SORCS1: variants seen among roughly 807,000 people sequenced by gnomAD.
The protein encoded by SORCS1 is sortilin related VPS10 domain containing receptor 1, also known as VPS10 domain-containing receptor SorCS1.
A neutral mutation model predicts 146.1 loss-of-function variants in SORCS1; 60 were observed. That is an observed-to-expected ratio of 0.41 (90% CI 0.33 to 0.51). The LOEUF is 0.51. Ranked by LOEUF, SORCS1 falls within the 20% of genes least tolerant of loss-of-function variation. SORCS1 has a pLI of 0.21. For missense variants in SORCS1, 1,352 were observed against 1,487.6 expected (o/e 0.91, Z 1.50); for synonymous variants, 637 against 584.0 (o/e 1.09, Z -1.31).
intron 20 of SORCS1, among the ~76,000 whole-genome samples, chr10:106,618,850 A>AG: frequency 6.6e-6 from 1 of 152,290 alleles, no homozygotes; most frequent in East Asian, 1.9e-4. Flanking sequence ...TGTGGAAACA[A>AG]GCACTAATTG....
chr10:107,036,820 C>T (rs1393399718), intron 1 of SORCS1, among the ~76,000 whole-genome samples: 1 of 152,222 alleles, frequency 6.6e-6, no homozygotes, highest in Non-Finnish European at 1.5e-5. Context: ...TGAAGGAAAT[C>T]TCATGGTTAA....
intron 1 of SORCS1, among the ~76,000 whole-genome samples, chr10:107,009,292 G>T (rs1035693832): frequency 4.6e-5 from 7 of 152,180 alleles, no homozygotes; most frequent in African/African-American, 4.8e-5. Context: ...TTTGTGTGTT[G>T]CATGGAGTAG....
intron 1 of SORCS1, among the ~76,000 whole-genome samples, chr10:107,162,306 T>A (rs1969773103): frequency 6.6e-6 from 1 of 152,192 alleles, no homozygotes; most frequent in African/African-American, 2.4e-5. Flanking sequence ...AGCTAACATG[T>A]TTGATGTGTT....
At chr10:106,626,442 C>T (rs1193882350) in intron 19 of SORCS1, among the ~76,000 whole-genome samples, 2 of 152,174 alleles carry the variant, frequency 1.3e-5, no homozygotes, top group Non-Finnish European at 2.9e-5. Flanking sequence ...GAATGCCCGA[C>T]TCAGTCCAGT....
At chr10:106,837,347 A>G (rs1304086372) in intron 2 of SORCS1, among the ~76,000 whole-genome samples, 1 of 152,022 alleles carries the variant, frequency 6.6e-6, no homozygotes, top group Admixed American at 6.6e-5. Context: ...AAAAGCATAA[A>G]TATTCCTCCC....
intron 8 of SORCS1, 30 bp from the exon 9 acceptor site, chr10:106,699,423 G>A: frequency 6.4e-7 from 1 of 1,570,644 alleles, no homozygotes; most frequent in Non-Finnish European, 8.6e-7. Flanking sequence ...CGTGAAGAGG[G>A]AAAAAGAGTT....
chr10:106,723,929 TTAAA>T (rs1217870925), intron 6 of SORCS1, among the ~76,000 whole-genome samples: 1 of 152,130 alleles, frequency 6.6e-6, no homozygotes, highest in Non-Finnish European at 1.5e-5. Context: ...TCAATTAAAT[TTAAA>T]TAAAGTTATT....
chr10:107,056,889 A>T (rs149221009), intron 1 of SORCS1, among the ~76,000 whole-genome samples: 1 of 152,336 alleles, frequency 6.6e-6, no homozygotes, highest in African/African-American at 2.4e-5. Context: ...TATATTTCAA[A>T]CAAGACAATT....
At chr10:106,710,435 A>AAG (rs1273086525) in intron 6 of SORCS1, among the ~76,000 whole-genome samples, 2 of 150,854 alleles carry the variant, frequency 1.3e-5, no homozygotes, top group African/African-American at 4.9e-5. Flanking sequence ...GTGACAGGAA[A>AAG]AAAAAAAAAA....
intron 3 of SORCS1, among the ~76,000 whole-genome samples, chr10:106,795,127 C>A (rs1159539644): frequency 6.6e-6 from 1 of 152,116 alleles, no homozygotes; most frequent in Non-Finnish European, 1.5e-5. Flanking sequence ...GTTCTAACAC[C>A]ATAAGAATTC....
the SORCS1 span, among the ~76,000 whole-genome samples, chr10:107,174,160 G>A: frequency 6.6e-6 from 1 of 151,966 alleles, no homozygotes; most frequent in Non-Finnish European, 1.5e-5. Context: ...AATTCTCTTA[G>A]CAATATTTGT....
At chr10:106,657,629 A>G (rs1359166691) in intron 17 of SORCS1, among the ~76,000 whole-genome samples, 1 of 147,564 alleles carries the variant, frequency 6.8e-6, no homozygotes, top group East Asian at 2.0e-4. Flanking sequence ...TAATAAATAT[A>G]TATTATATAT....
chr10:106,890,955 G>T (rs915563701), intron 2 of SORCS1, among the ~76,000 whole-genome samples: 2 of 152,118 alleles, frequency 1.3e-5, no homozygotes, highest in Non-Finnish European at 2.9e-5. Flanking sequence ...CCAGCAAAAA[G>T]AGCAGCAAAC....
intron 2 of SORCS1, among the ~76,000 whole-genome samples, chr10:106,854,422 T>C (rs534670559): frequency 3.9e-5 from 6 of 152,098 alleles, no homozygotes; most frequent in African/African-American, 1.4e-4. Context: ...TCTGTCTTAA[T>C]TGGTATATTT....
chr10:106,579,812 C>T (rs539262804), intron 24 of SORCS1, among the ~76,000 whole-genome samples: 5 of 152,194 alleles, frequency 3.3e-5, no homozygotes, highest in Middle Eastern at 3.4e-3. Flanking sequence ...ATGGTATATA[C>T]TTCATTGGGT....
At chr10:106,857,882 C>T (rs928721644) in intron 2 of SORCS1, among the ~76,000 whole-genome samples, 24 of 152,188 alleles carry the variant, frequency 1.6e-4, no homozygotes, top group African/African-American at 5.5e-4. Flanking sequence ...CAATCTACAT[C>T]AAACGATGAC....
intron 2 of SORCS1, among the ~76,000 whole-genome samples, chr10:106,865,313 C>G (rs933196230): frequency 1.3e-5 from 2 of 152,226 alleles, no homozygotes; most frequent in African/African-American, 4.8e-5. Flanking sequence ...GAGGGGCAGG[C>G]AGCCATGTTT....
At chr10:107,154,163 T>A (rs1257578669) in intron 1 of SORCS1, among the ~76,000 whole-genome samples, 2 of 151,764 alleles carry the variant, frequency 1.3e-5, no homozygotes, top group Non-Finnish European at 2.9e-5. Flanking sequence ...AGACACCCAC[T>A]TGGCTAATTT....
chr10:106,700,516 G>A (rs1168670044), intron 8 of SORCS1, among the ~76,000 whole-genome samples: 2 of 152,036 alleles, frequency 1.3e-5, no homozygotes, highest in Admixed American at 1.3e-4. Context: ...TCTTGTTTTC[G>A]GCATCACTTA....
Sources: allele counts gnomAD v4.1 joint callset (sites outside exome capture counted in the v4.1 genomes callset), GRCh38; gene constraint gnomAD v4.1.1; transcripts MANE v1.5; gene names NCBI Gene and HGNC (gene_info 2026-07-23, HGNC 2026-07-21).